The following LINGO2 variants were observed in gnomAD, a reference collection of about 807,000 sequenced individuals.
The protein encoded by LINGO2 is leucine-rich repeat and immunoglobulin-like domain-containing nogo receptor-interacting protein 2.
In LINGO2, 14 loss-of-function variants were observed where a neutral mutation model predicts 30.6. That is an observed-to-expected ratio of 0.46 (90% CI 0.30 to 0.72). The LOEUF (loss-of-function observed/expected upper bound fraction) is 0.72. LINGO2 is among the 30% of genes least tolerant of loss of function. LINGO2 has a pLI of 0.07. For synonymous variants in LINGO2, 317 were observed against 288.5 expected, an observed-to-expected ratio of 1.10 and a Z score of -1.00; for missense variants, 729 against 751.7, an observed-to-expected ratio of 0.97 and a Z score of 0.35.
At chr9:29,063,046 A>T in the LINGO2 span, among the ~76,000 whole-genome samples, 105 of 152,276 alleles carry the variant, frequency 6.9e-4, 3 homozygotes, top group East Asian at 0.019. Flanking sequence ...TTTATGGTTC[A>T]GTAAAGAACA....
chr9:28,117,146 G>A (rs1826932229), intron 4 of LINGO2, among the ~76,000 whole-genome samples: 2 of 149,654 alleles, frequency 1.3e-5, no homozygotes, highest in Admixed American at 1.3e-4. Flanking sequence ...ACCCTCAGCT[G>A]CAGGTCTGTT....
intron 4 of LINGO2, among the ~76,000 whole-genome samples, chr9:28,182,397 G>C (rs1319567613): frequency 1.3e-5 from 2 of 152,156 alleles, no homozygotes; most frequent in Admixed American, 6.5e-5. Context: ...TCAGGACATA[G>C]GCATGGGCAA....
chr9:29,091,297 G>A, the LINGO2 span, among the ~76,000 whole-genome samples: 6 of 152,000 alleles, frequency 3.9e-5, no homozygotes, highest in African/African-American at 1.4e-4. Flanking sequence ...GACCCCCATG[G>A]AAACACTGAA....
chr9:28,486,073 G>A (rs1826153396), intron 1 of LINGO2, among the ~76,000 whole-genome samples: 1 of 152,012 alleles, frequency 6.6e-6, no homozygotes, highest in Non-Finnish European at 1.5e-5. Flanking sequence ...CATACTCTCG[G>A]AATTAATTTC....
the LINGO2 span, among the ~76,000 whole-genome samples, chr9:28,840,255 G>C: frequency 2.2e-4 from 34 of 151,960 alleles, no homozygotes; most frequent in Admixed American, 1.3e-3. Flanking sequence ...GCTCCCACCT[G>C]TTCCTGGCGA....
In LINGO2 at chr9:28,642,871, G is replaced by C. The variant is rs138627704; in HGVS notation, c.-365+27329C>G. Among the ~76,000 whole-genome samples the C allele has an allele frequency of 3.6e-3, 555 of 152,140 alleles. 6 individuals carry two copies. Among genetic ancestry groups the C allele is most frequent in the African/African-American group, 0.012 (514 of 41,528 alleles). On this transcript the variant is annotated intron_variant, in intron 1 of 5. Transcript: ENST00000379992. ...AAATTCAAGGCAGATTTTGTTTCTT[G>C]ACGTGTTTTCCCTAACATAAATTAC...
chr9:29,006,078 T>A, the LINGO2 span, among the ~76,000 whole-genome samples: 1 of 151,686 alleles, frequency 6.6e-6, no homozygotes, highest in South Asian at 2.1e-4. Flanking sequence ...TAAAAGGGAC[T>A]TTTATTTTAA....
At chr9:28,917,969 T>C in the LINGO2 span, among the ~76,000 whole-genome samples, 818 of 152,170 alleles carry the variant, frequency 5.4e-3, 8 homozygotes, top group African/African-American at 0.019. Flanking sequence ...GCTAGCGGCC[T>C]ACACAATATC....
chr9:29,046,844 C>A, the LINGO2 span, among the ~76,000 whole-genome samples: 2 of 151,906 alleles, frequency 1.3e-5, no homozygotes. Context: ...TCTGGGAAGC[C>A]GAGGCAGACA....
chr9:28,072,922 T>C (rs1397163670), intron 4 of LINGO2, among the ~76,000 whole-genome samples: 1 of 152,042 alleles, frequency 6.6e-6, no homozygotes, highest in Non-Finnish European at 1.5e-5. Flanking sequence ...TCTGGCCCAC[T>C]TCTTAATTCT....
chr9:28,077,759 T>C (rs1165090904), intron 4 of LINGO2, among the ~76,000 whole-genome samples: 1 of 148,078 alleles, frequency 6.8e-6, no homozygotes, highest in African/African-American at 2.7e-5. Context: ...ATGGTTTTAC[T>C]TTATTATTTG....
the LINGO2 span, among the ~76,000 whole-genome samples, chr9:28,941,032 G>A: frequency 6.7e-6 from 1 of 149,614 alleles, no homozygotes; most frequent in Admixed American, 6.7e-5. Context: ...AAATAAAAGA[G>A]AAAGGGAAGA....
At chr9:28,418,982 A>G (rs186726767) in intron 2 of LINGO2, among the ~76,000 whole-genome samples, 2 of 152,288 alleles carry the variant, frequency 1.3e-5, no homozygotes, top group East Asian at 3.9e-4. Context: ...ATGATCAATT[A>G]CTGAAGTCAT....
chr9:28,135,608 A>C (rs564627556), intron 4 of LINGO2, among the ~76,000 whole-genome samples: 18 of 152,132 alleles, frequency 1.2e-4, no homozygotes, highest in African/African-American at 4.3e-4. Context: ...ATGAAAGTCA[A>C]ACCTTGTATC....
rs992795899 is a variant in LINGO2, at chr9:28,187,756, C to T, written c.-87+107452G>A. On this transcript the variant is annotated intron_variant, in intron 4 of 5. Transcript: ENST00000379992. ...TTTGTGTTAGGCAAATGCATGCATA[C>T]TTACTAACTTAGACTATAGTGCATA... 3.3e-5 allele frequency among the ~76,000 whole-genome samples: 5 copies of T among 152,282 alleles called. No homozygotes were observed. In the East Asian group the frequency reaches 9.7e-4, roughly 29 times the overall value.
At chr9:28,540,676 T>A (rs978406627) in intron 1 of LINGO2, among the ~76,000 whole-genome samples, 1 of 152,206 alleles carries the variant, frequency 6.6e-6, no homozygotes, top group Admixed American at 6.5e-5. Context: ...AGGAATGATC[T>A]TAGTCACTAG....
intron 4 of LINGO2, among the ~76,000 whole-genome samples, chr9:28,053,532 G>A (rs1587776509): frequency 6.6e-6 from 1 of 152,086 alleles, no homozygotes; most frequent in Non-Finnish European, 1.5e-5. Context: ...TACATTTGGA[G>A]TTCTTTCCCG....
the LINGO2 span, among the ~76,000 whole-genome samples, chr9:28,760,932 G>A: frequency 0.6 from 68,328 of 113,522 alleles, 17,915 homozygotes; most frequent in Non-Finnish European, 0.68. Flanking sequence ...GTGTGTGTGT[G>A]TATATATATA....
chr9:28,465,382 TCTC>T (rs1015671335), intron 2 of LINGO2, among the ~76,000 whole-genome samples: 12 of 152,298 alleles, frequency 7.9e-5, no homozygotes, highest in African/African-American at 2.9e-4. Context: ...AGCTGCTTCT[TCTC>T]CTCTCAACGT....
Sources: allele counts gnomAD v4.1 joint callset (sites outside exome capture counted in the v4.1 genomes callset), GRCh38; gene constraint gnomAD v4.1.1; transcripts MANE v1.5; gene names NCBI Gene and HGNC (gene_info 2026-07-23, HGNC 2026-07-21).